The following COQ8B variants were observed in gnomAD, a reference collection of about 807,000 sequenced individuals.
COQ8B encodes the protein coenzyme Q8B, also known as atypical kinase COQ8B, mitochondrial.
COQ8B carries 44 observed loss-of-function variants against 62.0 expected under a neutral mutation model. That is an observed-to-expected ratio of 0.71 (90% CI 0.56 to 0.91). The LOEUF is 0.91. COQ8B is among the 40% of genes least tolerant of loss of function. The pLI is 0.00. For synonymous variants in COQ8B, 252 were observed against 289.9 expected, an observed-to-expected ratio of 0.87 and a Z score of 1.33; for missense variants, 649 against 731.6, an observed-to-expected ratio of 0.89 and a Z score of 1.30.
At chr19:40,697,889 C>T (rs2082031473) in intron 12 of COQ8B, among the ~76,000 whole-genome samples, 1 of 77,490 alleles carries the variant, frequency 1.3e-5, no homozygotes, top group Admixed American at 1.1e-4. Flanking sequence ...TTCTACTGGG[C>T]GTTCATGCAA....
intron 7 of COQ8B, chr19:40,704,831 T>G: frequency 4.8e-6 from 2 of 417,154 alleles, no homozygotes; most frequent in Non-Finnish European, 4.4e-6. Context: ...TGTAAACTGA[T>G]TTATGTGACC....
Position 40,714,585 on chromosome 19 carries a change from C to T in COQ8B, c.48G>A (p.Leu16=), listed in dbSNP as rs768383608. The T allele has an allele frequency of 1.2e-6, 2 of 1,613,160 alleles. No homozygotes were observed. The highest frequency in any genetic ancestry group is 2.2e-5 in the South Asian group (2 of 90,942). ...CACAAGGCCAACCAACAGTCTGGCCCAGCTGTCCACCGGTCCCCCGAAGTA... is the reference window on the plus strand; with the variant it reads ...CACAAGGCCAACCAACAGTCTGGCCTAGCTGTCCACCGGTCCCCCGAAGTA... ...GGLLRGTGGQ[L]GQTVGWPCGA... The change falls in exon 2 of 15, where the codon CTG becomes CTA. Residue 16 remains leucine (L), a synonymous_variant. Transcript: ENST00000324464.
chr19:40,691,954 C>T lies in COQ8B; in HGVS notation c.*81G>A. The T allele has an allele frequency of 1.5e-6, 2 of 1,367,220 alleles. No individual in the cohort carries two copies. The highest frequency in any genetic ancestry group is 9.7e-7 in the Non-Finnish European group (1 of 1,033,908). 84.7% of individuals were successfully genotyped at this position (1,367,220 alleles called of 1,614,324 possible). ...GGGAAGCCCAAGGGGGCTCCTCTGA[C>T]CCAGGGCAGACGGGGAAGGGATAAG... On this transcript the variant is annotated 3_prime_UTR_variant, in exon 15 of 15. Transcript: ENST00000324464.
At chr19:40,701,921 C>T (rs908064395) in intron 10 of COQ8B, among the ~76,000 whole-genome samples, 3 of 152,224 alleles carry the variant, frequency 2.0e-5, no homozygotes, top group East Asian at 1.9e-4. Flanking sequence ...CAAGATATAA[C>T]CACATTGTTC....
intron 1 of COQ8B, 177 bp from the exon 2 acceptor site, chr19:40,714,812 TC>T: frequency 7.5e-7 from 1 of 1,342,090 alleles, no homozygotes; most frequent in Non-Finnish European, 9.6e-7. Flanking sequence ...CCTTAGCTCT[TC>T]CTGCAGGCCT....
chr19:40,702,567 G>C, intron 10 of COQ8B, 33 bp downstream of exon 10: 5 of 1,608,064 alleles, frequency 3.1e-6, no homozygotes, highest in Non-Finnish European at 4.3e-6. Flanking sequence ...CTGGGAGGGA[G>C]GGAAGGAGGG....
intron 12 of COQ8B, among the ~76,000 whole-genome samples, chr19:40,697,875 G>GAGAGAC (rs58313890): frequency 1.1e-4 from 11 of 103,472 alleles, no homozygotes; most frequent in Non-Finnish European, 1.7e-4. Flanking sequence ...GAGAGAGAGA[G>GAGAGAC]AGTTTCTACT....
chr19:40,713,565 AAAT>A (rs1327392575), intron 4 of COQ8B, among the ~76,000 whole-genome samples: 1 of 150,396 alleles, frequency 6.6e-6, no homozygotes, highest in African/African-American at 2.4e-5. Flanking sequence ...AAAAAAAAAA[AAAT>A]AGCCAGGCAT....
At chr19:40,708,240 C>T (rs2144708127) in intron 5 of COQ8B, 1 of 152,224 alleles carries the variant, frequency 6.6e-6, no homozygotes, top group Admixed American at 6.5e-5. Flanking sequence ...AATCCCAGCA[C>T]TTTAGGAGGC....
chr19:40,703,600 A>C lies in COQ8B; in HGVS notation c.740T>G (p.Ile247Ser). 6.2e-7 allele frequency: 1 copy of C among 1,611,974 alleles called. No homozygotes were observed. Among genetic ancestry groups the C allele is most frequent in the South Asian group, 1.1e-5 (1 of 90,904 alleles). Reference protein sequence around the residue: ...KIQYPGIAQSIQSDVQNLLAV... With the variant: ...KIQYPGIAQSSQSDVQNLLAV... ...CAGCAGGTTCTGGACATCGCTCTGA[A>C]TGCTCTGGGCTATGCCGGGGTACTG... The change falls in exon 9 of 15, where the codon ATT (isoleucine) becomes AGT (serine). Residue 247 changes from isoleucine to serine, a missense_variant. Ile to Ser is a moderately radical substitution (Grantham distance 142). Coordinates refer to ENST00000324464, the MANE Select transcript of COQ8B (RefSeq NM_024876.4).
rs557516577 is a variant in COQ8B, at chr19:40,715,310, T to C, written c.-3-675A>G. 3.4e-5 allele frequency: 34 copies of C among 986,008 alleles called. No homozygotes were observed. In the East Asian group the frequency reaches 3.3e-3, roughly 95 times the overall value. The allele number at this position is 986,008 out of a possible 1,614,324, so 61.1% of individuals were successfully genotyped here. A position where few individuals can be genotyped will look rare whatever the true frequency, so the allele number is the denominator to read the frequency against. ...CGCGGGAGCGCAAGCGTGCCCTGTC[T>C]GCCCTTCCACTCACCTCAAAGTGCC... On this transcript the variant is annotated intron_variant, in intron 1 of 14. Coordinates refer to ENST00000324464, the MANE Select transcript of COQ8B (RefSeq NM_024876.4).
intron 11 of COQ8B, 42 bp downstream of exon 11, chr19:40,700,268 C>A: frequency 6.2e-7 from 1 of 1,611,248 alleles, no homozygotes; most frequent in East Asian, 2.2e-5. Context: ...GCCCACCCGC[C>A]CTGGGGCCAT....
In COQ8B at chr19:40,697,875, G is replaced by GAGAGAGAGAGAGAGAGAGAC. The variant is rs58313890; in HGVS notation, c.1144-1822_1144-1821insGTCTCTCTCTCTCTCTCTCT. On this transcript the variant is annotated intron_variant, in intron 12 of 14. Transcript: ENST00000324464. ...ATAGAGAGAGAGAGAGAGAGAGAGA[G>GAGAGAGAGAGAGAGAGAGAC]AGTTTCTACTGGGCGTTCATGCAAA... is the stretch of plus-strand genomic sequence containing the variant. 1.0e-2 allele frequency among the ~76,000 whole-genome samples: 1,029 copies of GAGAGAGAGAGAGAGAGAGAC among 102,904 alleles called. 46 individuals carry two copies. The highest frequency in any genetic ancestry group is 0.02 in the East Asian group (66 of 3,356). The allele number at this position is 102,904 out of a possible 152,430, so 67.5% of individuals were successfully genotyped here.
intron 12 of COQ8B, among the ~76,000 whole-genome samples, chr19:40,697,849 T>TAG (rs1224275474): frequency 0.03 from 1,834 of 60,542 alleles, 44 homozygotes; most frequent in Non-Finnish European, 0.041. Context: ...TATATATATA[T>TAG]ATAGAGAGAG....
At chr19:40,703,902 C>T in intron 7 of COQ8B, 47 bp from the exon 8 acceptor site, 5 of 1,568,102 alleles carry the variant, frequency 3.2e-6, no homozygotes, top group Non-Finnish European at 4.3e-6. Context: ...GAGTTCATTC[C>T]CCAGGCTGAG....
rs776334399 is a variant in COQ8B at position 40,692,177 on chromosome 19, G to T, written c.1493C>A (p.Ala498Asp). ...GATGTGGGCTCGGAGGTGGGCACAG[G>T]CCAGGAAAGCCCCTGCCAGCTTGCG... ...LHRKLAGAFL[A>D]CAHLRAHIAC... Residue 498 changes from alanine (A) to aspartate (D), a missense_variant, in exon 15 of 15, where the codon GCC becomes GAC. Coordinates refer to ENST00000324464, the MANE Select transcript of COQ8B (RefSeq NM_024876.4). 92 of 1,595,458 alleles carry T rather than the reference G, an allele frequency of 5.8e-5. No individual in the cohort carries two copies. In the Middle Eastern group the frequency reaches 8.3e-4, roughly 14 times the overall value.
At chr19:40,697,839 T>TAGAG (rs1368184772) in intron 12 of COQ8B, among the ~76,000 whole-genome samples, 2 of 47,644 alleles carry the variant, frequency 4.2e-5, no homozygotes, top group East Asian at 4.7e-4. Context: ...TATATATATA[T>TAGAG]ATATATATAT....
intron 9 of COQ8B, chr19:40,703,249 C>G (rs2082074958): frequency 4.9e-6 from 2 of 405,468 alleles, no homozygotes; most frequent in Non-Finnish European, 8.9e-6. Flanking sequence ...CTTTTCTGCT[C>G]TGCCGCACCT....
In COQ8B at chr19:40,705,154, TGCA is replaced by T. The variant is rs1424377660; in HGVS notation, c.515_517del (p.Leu172del). The T allele has an allele frequency of 1.2e-6, 2 of 1,613,440 alleles. No homozygotes were observed. The highest frequency in any genetic ancestry group is 8.5e-7 in the Non-Finnish European group (1 of 1,179,746). On this transcript the variant is annotated inframe_deletion, in exon 7 of 15. Transcript: ENST00000324464. The stretch of plus-strand genomic sequence containing the variant: ...CTGGCGGACCCGCTCAAAGATGTGC[TGCA>T]GCTGAGGGCTGATGAAGCTGTTGTC...
Sources: allele counts gnomAD v4.1 joint callset (sites outside exome capture counted in the v4.1 genomes callset), GRCh38; gene constraint gnomAD v4.1.1; transcripts MANE v1.5; gene names NCBI Gene and HGNC (gene_info 2026-07-23, HGNC 2026-07-21).